The following TBC1D32 variants were observed in gnomAD, a reference collection of about 807,000 sequenced individuals.
TBC1D32 encodes the protein protein broad-minded.
In TBC1D32, 151 loss-of-function variants were observed where a neutral mutation model predicts 170.3. That is an observed-to-expected ratio of 0.89 (90% CI 0.78 to 1.01). The LOEUF (loss-of-function observed/expected upper bound fraction) is 1.01, where lower values mean the gene tolerates loss of function less well. TBC1D32 is among the 50% of genes least tolerant of loss of function. The pLI is 0.00. For synonymous variants in TBC1D32, 498 were observed against 488.0 expected, an observed-to-expected ratio of 1.02 and a Z score of -0.27; for missense variants, 1,464 against 1,457.1, an observed-to-expected ratio of 1.00 and a Z score of -0.08.
chr6:121,296,963 C>T (rs1295156852), intron 10 of TBC1D32, among the ~76,000 whole-genome samples: 1 of 152,062 alleles, frequency 6.6e-6, no homozygotes, highest in Admixed American at 6.6e-5. Flanking sequence ...GAAATCCACC[C>T]TCCTTGCATC....
At chr6:121,210,492 G>A (rs563981351) in intron 21 of TBC1D32, among the ~76,000 whole-genome samples, 28 of 152,232 alleles carry the variant, frequency 1.8e-4, no homozygotes, top group South Asian at 6.2e-4. Flanking sequence ...TATATTACAC[G>A]TGAATTTACC....
intron 1 of TBC1D32, among the ~76,000 whole-genome samples, chr6:121,325,726 T>C (rs1306499642): frequency 6.6e-6 from 1 of 152,176 alleles, no homozygotes; most frequent in African/African-American, 2.4e-5. Context: ...AAAGACTTCA[T>C]GACTAAAATA....
intron 1 of TBC1D32, among the ~76,000 whole-genome samples, chr6:121,330,135 G>A (rs1340098827): frequency 6.6e-6 from 1 of 152,094 alleles, no homozygotes; most frequent in East Asian, 1.9e-4. Flanking sequence ...CTGGGCACAA[G>A]AGATCCTCCC....
intron 24 of TBC1D32, among the ~76,000 whole-genome samples, chr6:121,141,431 A>C (rs1036742531): frequency 1.3e-5 from 2 of 152,206 alleles, no homozygotes; most frequent in African/African-American, 4.8e-5. Context: ...TCTAGAATAC[A>C]TAAAGTGCTC....
Position 121,279,169 on chromosome 6 carries a change from C to T in TBC1D32, c.1685G>A (p.Gly562Glu), listed in dbSNP as rs753557471. 1 of 1,610,988 alleles carries T rather than the reference C, an allele frequency of 6.2e-7. No individual in the cohort carries two copies. Among genetic ancestry groups the T allele is most frequent in the Non-Finnish European group, 8.5e-7 (1 of 1,178,790 alleles). ...ILARIASVEE[G>E]LILLLYGANM... ...TGCTCCATAAAGGAGTAAAATAAGCCCTTCTTCTACAGATGCAATTCTTGC... is the reference window on the plus strand; with the variant it reads ...TGCTCCATAAAGGAGTAAAATAAGCTCTTCTTCTACAGATGCAATTCTTGC... Residue 562 changes from glycine (G) to glutamate (E), a missense_variant, in exon 15 of 32, where the codon GGG (glycine) becomes GAG (glutamate). Transcript: ENST00000398212.
At chr6:121,143,407 G>A (rs1783045020) in intron 24 of TBC1D32, among the ~76,000 whole-genome samples, 1 of 152,080 alleles carries the variant, frequency 6.6e-6, no homozygotes, top group Admixed American at 6.6e-5. Context: ...AGATGAAGAA[G>A]AATCATCTAA....
chr6:121,210,564 C>T lies in TBC1D32; in HGVS notation c.2482-5401G>A, dbSNP rs114361967. 3.0e-3 allele frequency among the ~76,000 whole-genome samples: 453 copies of T among 152,272 alleles called. 4 individuals are homozygous for T. Among genetic ancestry groups the T allele is most frequent in the African/African-American group, 0.011 (444 of 41,558 alleles). ...TGAAGATACTGTGGTAGGCAGAATT[C>T]GAAAATGGCCCTCAAGATTCTCAGG... is the stretch of plus-strand genomic sequence containing the variant. On this transcript the variant is annotated intron_variant, in intron 21 of 31. Transcript: ENST00000398212.
intron 21 of TBC1D32, among the ~76,000 whole-genome samples, chr6:121,221,891 G>A (rs1325517696): frequency 3.3e-5 from 5 of 152,224 alleles, no homozygotes; most frequent in Non-Finnish European, 7.3e-5. Context: ...AGTGGGTTGA[G>A]AGGATTGACC....
In TBC1D32 at chr6:121,161,287, A is replaced by G. The variant is rs540465361; in HGVS notation, c.2571-231T>C. The stretch of plus-strand genomic sequence containing the variant: ...GCCATGGTGGTTTGCTGCACAGATC[A>G]TCCCATCACCCAGGTATTAAGCCCA... On this transcript the variant is annotated intron_variant, in intron 22 of 31. Coordinates refer to ENST00000398212, the MANE Select transcript of TBC1D32 (RefSeq NM_152730.6). 8.5e-5 allele frequency among the ~76,000 whole-genome samples: 13 copies of G among 152,228 alleles called. No individual in the cohort carries two copies. In the South Asian group the frequency reaches 1.0e-3, roughly 12 times the overall value.
At chr6:121,200,703 G>A (rs1791432279) in intron 22 of TBC1D32, among the ~76,000 whole-genome samples, 1 of 151,520 alleles carries the variant, frequency 6.6e-6, no homozygotes, top group African/African-American at 2.4e-5. Flanking sequence ...GACCATAAAG[G>A]CAAGAGGCAT....
At chr6:121,181,849 T>A in intron 22 of TBC1D32, among the ~76,000 whole-genome samples, 1 of 152,138 alleles carries the variant, frequency 6.6e-6, no homozygotes, top group East Asian at 1.9e-4. Flanking sequence ...GACATCATTA[T>A]GTTAAGTGAA....
chr6:121,239,651 A>G (rs1436235533), intron 19 of TBC1D32, among the ~76,000 whole-genome samples: 1 of 152,144 alleles, frequency 6.6e-6, no homozygotes, highest in African/African-American at 2.4e-5. Context: ...TTATTCCAAT[A>G]TAACTAATTT....
intron 22 of TBC1D32, chr6:121,170,583 A>G: frequency 1.5e-6 from 2 of 1,336,054 alleles, no homozygotes; most frequent in Non-Finnish European, 2.0e-6. Flanking sequence ...CAAAAGCATA[A>G]TTACATCCTT....
Position 121,216,876 on chromosome 6 carries a change from T to C in TBC1D32, c.2481+6360A>G, listed in dbSNP as rs567922980. On this transcript the variant is annotated intron_variant, in intron 21 of 31. Transcript: ENST00000398212. The stretch of plus-strand genomic sequence containing the variant: ...CTGAAATTGTGGCAGAACCCCCACA[T>C]AGGCTCTCTGACTGCTAAGGTGAGG... Among the ~76,000 whole-genome samples, 17 of 152,306 alleles carry C rather than the reference T, an allele frequency of 1.1e-4. No homozygotes were observed. The East Asian group carries it at 2.3e-3, about 21-fold the overall frequency.
intron 15 of TBC1D32, among the ~76,000 whole-genome samples, chr6:121,265,140 G>A (rs1000200538): frequency 6.6e-6 from 1 of 152,272 alleles, no homozygotes; most frequent in East Asian, 1.9e-4. Flanking sequence ...GTTTGCAGAT[G>A]ACATGATCCT....
At chr6:121,255,301 T>C in intron 17 of TBC1D32, 27 bp downstream of exon 17, 2 of 1,333,632 alleles carry the variant, frequency 1.5e-6, no homozygotes, top group Admixed American at 2.1e-5. Context: ...ATATAATAAA[T>C]GCATGACTTT....
At chr6:121,308,559 G>A (rs1321560274) in intron 4 of TBC1D32, among the ~76,000 whole-genome samples, 1 of 151,532 alleles carries the variant, frequency 6.6e-6, no homozygotes, top group East Asian at 1.9e-4. Flanking sequence ...AAAACAATCA[G>A]TTTGAACTTG....
intron 22 of TBC1D32, among the ~76,000 whole-genome samples, chr6:121,186,312 C>T (rs142997481): frequency 3.9e-5 from 6 of 152,114 alleles, no homozygotes; most frequent in Admixed American, 1.3e-4. Flanking sequence ...CCCAGGGATG[C>T]TCTGTAGCAC....
intron 17 of TBC1D32, among the ~76,000 whole-genome samples, chr6:121,254,460 C>T (rs1247290448): frequency 6.6e-6 from 1 of 152,008 alleles, no homozygotes; most frequent in African/African-American, 2.4e-5. Flanking sequence ...AAAATTACCT[C>T]AAAAATAAAC....
Sources: gnomAD v4.1 joint callset for allele counts (sites outside exome capture counted in the v4.1 genomes callset) on GRCh38, gnomAD v4.1.1 for gene constraint, MANE v1.5 for transcripts, NCBI Gene and HGNC (gene_info 2026-07-23, HGNC 2026-07-21) for gene names.